The following DGKB variants were observed in gnomAD, a reference collection of about 807,000 sequenced individuals.
The protein encoded by DGKB is diacylglycerol kinase beta, also known as 90 kDa diacylglycerol kinase.
In DGKB, 67 loss-of-function variants were observed where a neutral mutation model predicts 114.3. That is an observed-to-expected ratio of 0.59 (90% CI 0.48 to 0.72). DGKB has a LOEUF of 0.72. Among genes scored for constraint, DGKB ranks in the 30% least tolerant of loss-of-function variants. The probability of loss-of-function intolerance (pLI) is 0.00; values close to 1 mark genes in which losing one functional copy is unlikely to be tolerated. For missense variants in DGKB, 907 were observed against 975.2 expected (o/e 0.93, Z 0.93); for synonymous variants, 398 against 323.1 (o/e 1.23, Z -2.49).
intron 17 of DGKB, among the ~76,000 whole-genome samples, chr7:14,584,808 T>C (rs560036197): frequency 1.2e-3 from 189 of 151,892 alleles, no homozygotes; most frequent in African/African-American, 4.5e-3. Flanking sequence ...TACAGGTGCC[T>C]GCCACCACGC....
chr7:14,839,294 G>A (rs1847582869), intron 2 of DGKB, among the ~76,000 whole-genome samples: 1 of 151,846 alleles, frequency 6.6e-6, no homozygotes, highest in Non-Finnish European at 1.5e-5. Context: ...ATGGAAATTT[G>A]AAATCATAGG....
At chr7:14,340,307 T>C (rs1811403962) in intron 22 of DGKB, among the ~76,000 whole-genome samples, 1 of 151,590 alleles carries the variant, frequency 6.6e-6, no homozygotes, top group South Asian at 2.1e-4. Context: ...GATATTAATT[T>C]CATAATTAAA....
intron 21 of DGKB, among the ~76,000 whole-genome samples, chr7:14,382,806 T>C (rs1172691510): frequency 2.0e-5 from 3 of 152,204 alleles, no homozygotes; most frequent in African/African-American, 7.2e-5. Context: ...ACAATATCTC[T>C]GAATCTCTGA....
At chr7:14,737,751 A>G (rs1831950127) in intron 4 of DGKB, among the ~76,000 whole-genome samples, 1 of 152,130 alleles carries the variant, frequency 6.6e-6, no homozygotes, top group Admixed American at 6.6e-5. Context: ...TGGCAGTAAA[A>G]AGACTTCATT....
chr7:14,904,102 C>T (rs1783518209), upstream of DGKB, among the ~76,000 whole-genome samples: 1 of 152,100 alleles, frequency 6.6e-6, no homozygotes, highest in Non-Finnish European at 1.5e-5. Flanking sequence ...GGAAGACGTT[C>T]TCAAATCCCC....
intron 20 of DGKB, among the ~76,000 whole-genome samples, chr7:14,569,369 T>C (rs1798044351): frequency 6.6e-6 from 1 of 152,246 alleles, no homozygotes; most frequent in Non-Finnish European, 1.5e-5. Flanking sequence ...CTTAAAATCA[T>C]AAACATTCTA....
intron 1 of DGKB, among the ~76,000 whole-genome samples, chr7:14,892,994 A>G (rs1338808033): frequency 1.3e-5 from 2 of 151,110 alleles, no homozygotes; most frequent in Admixed American, 6.6e-5. Flanking sequence ...GTATGTATAT[A>G]TGTATATATG....
At chr7:14,736,302 A>G (rs1831712157) in intron 4 of DGKB, 108 bp from the exon 5 acceptor site, 5 of 662,764 alleles carry the variant, frequency 7.5e-6, no homozygotes, top group Admixed American at 3.5e-5. Context: ...CCATTTTTAT[A>G]TCCAAGTTTA....
At chr7:14,817,305 C>T (rs998443152) in intron 2 of DGKB, among the ~76,000 whole-genome samples, 10 of 152,044 alleles carry the variant, frequency 6.6e-5, no homozygotes, top group African/African-American at 2.4e-4. Flanking sequence ...TTTAATTTGT[C>T]AATCATAATA....
At position 14,249,177 on chromosome 7, in the gene DGKB, C is replaced by A. The variant is rs182660435; in HGVS notation, c.2123-71026G>T. ...ATTTGTGTATGATGAAGCATCCTTA[C>A]ATCCTTGGAATAAATCCCACTTAAT... is the stretch of plus-strand genomic sequence containing the variant. On this transcript the variant is annotated intron_variant, in intron 23 of 25. Coordinates refer to ENST00000402815, the MANE Select transcript of DGKB (RefSeq NM_001350709.2). 1.4e-3 allele frequency among the ~76,000 whole-genome samples: 211 copies of A among 152,284 alleles called. 1 individual carries two copies. Among genetic ancestry groups the A allele is most frequent in the African/African-American group, 4.9e-3 (205 of 41,572 alleles).
At chr7:14,567,669 C>T (rs946518948) in intron 20 of DGKB, among the ~76,000 whole-genome samples, 11 of 144,710 alleles carry the variant, frequency 7.6e-5, no homozygotes, top group East Asian at 2.1e-4. Flanking sequence ...TGCAGTGGTG[C>T]GATCTCGGCT....
chr7:14,457,526 G>A (rs577435444), intron 21 of DGKB, among the ~76,000 whole-genome samples: 1 of 152,212 alleles, frequency 6.6e-6, no homozygotes, highest in East Asian at 1.9e-4. Flanking sequence ...AAATAAAAAA[G>A]ATTTTTTTAA....
chr7:14,256,850 T>C (rs758255403), intron 23 of DGKB, among the ~76,000 whole-genome samples: 1 of 152,168 alleles, frequency 6.6e-6, no homozygotes, highest in Non-Finnish European at 1.5e-5. Context: ...TTTTTCTATA[T>C]GTATCTCTTC....
At chr7:14,162,409 C>T (rs554044490) in intron 25 of DGKB, among the ~76,000 whole-genome samples, 3 of 152,076 alleles carry the variant, frequency 2.0e-5, no homozygotes, top group African/African-American at 7.2e-5. Context: ...CTGATAAGTA[C>T]ATACAGTTTT....
chr7:14,234,906 G>C (rs1246274576), intron 23 of DGKB, among the ~76,000 whole-genome samples: 2 of 152,032 alleles, frequency 1.3e-5, no homozygotes, highest in Non-Finnish European at 2.9e-5. Context: ...TTGCTAGAAA[G>C]TGCTGAAAAA....
chr7:14,934,679 A>G (rs1785188782), intron 1 of DGKB, among the ~76,000 whole-genome samples: 1 of 152,166 alleles, frequency 6.6e-6, no homozygotes, highest in Non-Finnish European at 1.5e-5. Context: ...TGACACAATA[A>G]AATTTATCAT....
chr7:14,649,497 A>G (rs1296028488), intron 13 of DGKB, among the ~76,000 whole-genome samples: 21 of 152,044 alleles, frequency 1.4e-4, no homozygotes, highest in Admixed American at 1.1e-3. Flanking sequence ...TGAAGGAAGC[A>G]CTAAACATGG....
At chr7:14,376,653 A>G (rs1818521834) in intron 21 of DGKB, among the ~76,000 whole-genome samples, 2 of 152,226 alleles carry the variant, frequency 1.3e-5, no homozygotes, top group Admixed American at 1.3e-4. Context: ...AGGAACTAGA[A>G]TTATAAAAAC....
intron 13 of DGKB, among the ~76,000 whole-genome samples, chr7:14,631,721 C>T (rs1809747071): frequency 6.6e-6 from 1 of 152,042 alleles, no homozygotes; most frequent in Non-Finnish European, 1.5e-5. Context: ...GCTAGTTTCT[C>T]TCTGGGTCAG....
Sources: gnomAD v4.1 joint callset for allele counts (sites outside exome capture counted in the v4.1 genomes callset) on GRCh38, gnomAD v4.1.1 for gene constraint, MANE v1.5 for transcripts, NCBI Gene and HGNC (gene_info 2026-07-23, HGNC 2026-07-21) for gene names.